Variants in KAZN observed in about 807,000 individuals in gnomAD.
The protein encoded by KAZN is kazrin, periplakin interacting protein, also known as kazrin.
KAZN carries 40 observed loss-of-function variants against 87.4 expected under a neutral mutation model. The observed-to-expected ratio is 0.46, with a 90% CI of 0.36 to 0.60. The LOEUF (loss-of-function observed/expected upper bound fraction) is 0.60. Ranked by LOEUF, KAZN falls within the 20% of genes least tolerant of loss-of-function variation. The probability of loss-of-function intolerance (pLI) is 0.00; values close to 1 mark genes in which losing one functional copy is unlikely to be tolerated. For missense variants in KAZN, 898 were observed against 1,073.9 expected, an observed-to-expected ratio of 0.84 and a Z score of 2.29; for synonymous variants, 466 against 458.3, an observed-to-expected ratio of 1.02 and a Z score of -0.22.
chr1:13,953,425 C>G (rs1641427340), intron 1 of KAZN, among the ~76,000 whole-genome samples: 1 of 152,120 alleles, frequency 6.6e-6, no homozygotes. Flanking sequence ...AGTTCCATGT[C>G]CAAGTTTTAT....
At chr1:13,931,505 C>A (rs1327044100) in intron 1 of KAZN, among the ~76,000 whole-genome samples, 1 of 151,562 alleles carries the variant, frequency 6.6e-6, no homozygotes, top group Non-Finnish European at 1.5e-5. Flanking sequence ...TGTGCATAGA[C>A]ACATGCTTTT....
chr1:14,487,949 C>A (rs1387567971), intron 2 of KAZN, among the ~76,000 whole-genome samples: 1 of 152,128 alleles, frequency 6.6e-6, no homozygotes, highest in Non-Finnish European at 1.5e-5. Flanking sequence ...TGAGGCCTTC[C>A]AAGGAAGGAG....
At chr1:14,452,528 G>A (rs1042818310) in intron 2 of KAZN, among the ~76,000 whole-genome samples, 3 of 152,178 alleles carry the variant, frequency 2.0e-5, no homozygotes, top group Non-Finnish European at 4.4e-5. Flanking sequence ...TTGAGGGTTT[G>A]GATTTATGAC....
chr1:14,419,746 T>C (rs1312201747), intron 2 of KAZN, among the ~76,000 whole-genome samples: 2 of 152,000 alleles, frequency 1.3e-5, no homozygotes, highest in Admixed American at 6.6e-5. Flanking sequence ...GTTAGGACTC[T>C]TAAGGCGGTG....
At chr1:14,039,177 A>C (rs1003163324) in intron 1 of KAZN, among the ~76,000 whole-genome samples, 24 of 152,172 alleles carry the variant, frequency 1.6e-4, no homozygotes, top group African/African-American at 5.5e-4. Flanking sequence ...CTCAAAAAAA[A>C]AAAAAAAAAA....
intron 2 of KAZN, among the ~76,000 whole-genome samples, chr1:14,573,359 A>G (rs1208670655): frequency 2.0e-5 from 3 of 152,176 alleles, no homozygotes; most frequent in Admixed American, 6.5e-5. Context: ...GCATTAGAAT[A>G]CACTAAAACC....
chr1:14,445,184 C>T (rs1330932105), intron 2 of KAZN, among the ~76,000 whole-genome samples: 2 of 152,098 alleles, frequency 1.3e-5, no homozygotes, highest in East Asian at 1.9e-4. Context: ...GGCCACCATG[C>T]CTGGCTAATT....
At chr1:14,986,002 CAAAAAAAAA>C (rs56725513) in intron 2 of KAZN, among the ~76,000 whole-genome samples, 143 of 56,744 alleles carry the variant, frequency 2.5e-3, no homozygotes, top group African/African-American at 6.2e-3. Flanking sequence ...GACTCTGTCT[CAAAAAAAAA>C]AAAAAAAAAA....
At chr1:14,772,550 T>G (rs1645049433) in intron 1 of KAZN, among the ~76,000 whole-genome samples, 1 of 151,098 alleles carries the variant, frequency 6.6e-6, no homozygotes. Context: ...GAGACCCCTC[T>G]TGGATCTAAG....
intron 1 of KAZN, among the ~76,000 whole-genome samples, chr1:14,021,454 T>TTC (rs1292359279): frequency 2.0e-5 from 3 of 152,208 alleles, no homozygotes; most frequent in African/African-American, 4.8e-5. Context: ...AATTTGGTAG[T>TTC]TCAATGACTT....
intron 1 of KAZN, among the ~76,000 whole-genome samples, chr1:14,104,971 A>G (rs1409444364): frequency 2.0e-5 from 3 of 152,224 alleles, no homozygotes; most frequent in Non-Finnish European, 4.4e-5. Flanking sequence ...GAAGTGGAGA[A>G]TCACTAAATA....
chr1:14,975,245 G>A (rs910679429), intron 2 of KAZN, among the ~76,000 whole-genome samples: 1 of 152,236 alleles, frequency 6.6e-6, no homozygotes, highest in African/African-American at 2.4e-5. Flanking sequence ...GCAGAGACCA[G>A]CAAGGTCCAA....
intron 1 of KAZN, among the ~76,000 whole-genome samples, chr1:14,018,036 A>G (rs1570537912): frequency 6.6e-6 from 1 of 152,288 alleles, no homozygotes; most frequent in African/African-American, 2.4e-5. Context: ...ACACTTCCCT[A>G]TGATTAAATT....
intron 2 of KAZN, among the ~76,000 whole-genome samples, chr1:14,380,515 G>A (rs1472237666): frequency 1.3e-5 from 2 of 152,112 alleles, no homozygotes; most frequent in Admixed American, 6.6e-5. Context: ...TAACAAAGAG[G>A]TTGAAATAAT....
chr1:14,714,786 CT>C (rs1307881138), intron 1 of KAZN, among the ~76,000 whole-genome samples: 9 of 131,188 alleles, frequency 6.9e-5, no homozygotes, highest in African/African-American at 1.2e-4. Flanking sequence ...TTTTCTTTTT[CT>C]TTTTTTTTTG....
chr1:14,145,892 C>G (rs764021943), intron 1 of KAZN, among the ~76,000 whole-genome samples: 12 of 152,248 alleles, frequency 7.9e-5, no homozygotes, highest in Non-Finnish European at 1.3e-4. Flanking sequence ...ACTTGATTAA[C>G]AACGGGGTCA....
At chr1:14,948,246 A>C (rs1354810736) in intron 1 of KAZN, among the ~76,000 whole-genome samples, 1 of 152,224 alleles carries the variant, frequency 6.6e-6, no homozygotes, top group Non-Finnish European at 1.5e-5. Context: ...TGTAACTGAA[A>C]AGTTCAGGGA....
In KAZN at chr1:15,052,956, C is replaced by G. The variant is rs1007401475; in HGVS notation, c.727-3135C>G. Among the ~76,000 whole-genome samples, 12 of 152,330 alleles carry G rather than the reference C, an allele frequency of 7.9e-5. No homozygotes were observed. The East Asian group carries it at 2.3e-3, about 29-fold the overall frequency. On this transcript the variant is annotated intron_variant, in intron 4 of 14. Transcript: ENST00000376030. ...TTCAGGAGAGCCACCCCACCCAGGC[C>G]TCTTCCTCACTCCTTCCCGTGCTCC...
chr1:14,291,916 C>T (rs1336957514), intron 2 of KAZN, among the ~76,000 whole-genome samples: 1 of 152,178 alleles, frequency 6.6e-6, no homozygotes, highest in Non-Finnish European at 1.5e-5. Context: ...TGTTGCTTCT[C>T]CTTCTACCAT....
Sources: gnomAD v4.1 joint callset for allele counts (sites outside exome capture counted in the v4.1 genomes callset) on GRCh38, gnomAD v4.1.1 for gene constraint, MANE v1.5 for transcripts, NCBI Gene and HGNC (gene_info 2026-07-23, HGNC 2026-07-21) for gene names.